The following GNA14 variants were observed in gnomAD, a reference collection of about 807,000 sequenced individuals.
The protein encoded by GNA14 is G protein subunit alpha 14, also known as guanine nucleotide-binding protein subunit alpha-14.
A neutral mutation model predicts 42.0 loss-of-function variants in GNA14; 50 were observed. The observed-to-expected ratio is 1.19, with a 90% CI of 0.95 to 1.51. The LOEUF (loss-of-function observed/expected upper bound fraction) is 1.51, where lower values mean the gene tolerates loss of function less well. GNA14 is among the 40% of genes most tolerant of loss of function. GNA14 has a pLI of 0.00. For synonymous variants in GNA14, 173 were observed against 163.1 expected (o/e 1.06, Z -0.46); for missense variants, 473 against 446.2 (o/e 1.06, Z -0.54).
chr9:77,512,914 G>A (rs1461310522), intron 2 of GNA14, among the ~76,000 whole-genome samples: 1 of 152,124 alleles, frequency 6.6e-6, no homozygotes. Flanking sequence ...TCTCTGGCTT[G>A]TTTACTTCTC....
chr9:77,492,750 C>A (rs1376394255), intron 2 of GNA14, among the ~76,000 whole-genome samples: 7 of 151,790 alleles, frequency 4.6e-5, no homozygotes, highest in Non-Finnish European at 1.5e-5. Context: ...GCCTGTAATC[C>A]CAGCACTTTG....
chr9:77,557,080 C>A (rs950697551), intron 1 of GNA14, among the ~76,000 whole-genome samples: 3 of 152,158 alleles, frequency 2.0e-5, no homozygotes, highest in African/African-American at 7.2e-5. Context: ...TTGAAGTGAA[C>A]TATGGCCAAA....
At chr9:77,563,517 G>A (rs1486366058) in intron 1 of GNA14, among the ~76,000 whole-genome samples, 1 of 152,110 alleles carries the variant, frequency 6.6e-6, no homozygotes, top group African/African-American at 2.4e-5. Flanking sequence ...AACCAATATT[G>A]ACCCTAGGTC....
intron 1 of GNA14, among the ~76,000 whole-genome samples, chr9:77,620,035 G>A (rs1335287663): frequency 2.0e-5 from 3 of 152,172 alleles, no homozygotes; most frequent in East Asian, 3.9e-4. Context: ...AAGTCAAACA[G>A]CAACTAGATA....
intron 1 of GNA14, among the ~76,000 whole-genome samples, chr9:77,637,318 C>A (rs1824197769): frequency 6.6e-6 from 1 of 151,964 alleles, no homozygotes; most frequent in Non-Finnish European, 1.5e-5. Context: ...TACCTTGACT[C>A]TCGTTATAAT....
Position 77,465,140 on chromosome 9 carries a change from G to A in GNA14, c.310-30618C>T, listed in dbSNP as rs554105946. ...TGTTGTTTTAAGCCACCTAATTTGT[G>A]GTACTGTGTGATAGCAGCCAGATAC... On this transcript the variant is annotated intron_variant, in intron 2 of 6. Coordinates refer to ENST00000341700, the MANE Select transcript of GNA14 (RefSeq NM_004297.4). Among the ~76,000 whole-genome samples, 44 of 152,274 alleles carry A rather than the reference G, an allele frequency of 2.9e-4. No individual in the cohort carries two copies. The South Asian group carries it at 9.1e-3, about 32-fold the overall frequency.
chr9:77,644,450 A>C (rs1042786139), intron 1 of GNA14, among the ~76,000 whole-genome samples: 7 of 148,816 alleles, frequency 4.7e-5, no homozygotes, highest in African/African-American at 1.7e-4. Context: ...AAAAAAAAAA[A>C]AAAAAAAAAA....
At chr9:77,601,972 G>C (rs1587844315) in intron 1 of GNA14, among the ~76,000 whole-genome samples, 2 of 152,326 alleles carry the variant, frequency 1.3e-5, no homozygotes, top group African/African-American at 4.8e-5. Flanking sequence ...CAGACAGACT[G>C]TGCTCAGTCC....
chr9:77,523,177 C>A (rs964691280), intron 2 of GNA14, among the ~76,000 whole-genome samples: 1 of 152,162 alleles, frequency 6.6e-6, no homozygotes, highest in Non-Finnish European at 1.5e-5. Context: ...TTTGTCCATT[C>A]TTGCATTGCT....
At chr9:77,548,810 C>T (rs1029574123) in intron 1 of GNA14, among the ~76,000 whole-genome samples, 33 of 152,220 alleles carry the variant, frequency 2.2e-4, no homozygotes, top group African/African-American at 8.0e-4. Context: ...AGCTTCTGCA[C>T]CCATGTGGCA....
At chr9:77,480,661 G>A (rs1242173416) in intron 2 of GNA14, among the ~76,000 whole-genome samples, 3 of 152,192 alleles carry the variant, frequency 2.0e-5, no homozygotes, top group Non-Finnish European at 2.9e-5. Context: ...GAATTCGGCT[G>A]TGAATCCATC....
At chr9:77,434,655 TC>T in intron 2 of GNA14, 133 bp from the exon 3 acceptor site, 4 of 700,990 alleles carry the variant, frequency 5.7e-6, no homozygotes, top group Non-Finnish European at 9.4e-6. Flanking sequence ...GTGGGCACCC[TC>T]CCAGGGGCCG....
At chr9:77,619,824 G>A (rs994914366) in intron 1 of GNA14, among the ~76,000 whole-genome samples, 65 of 152,046 alleles carry the variant, frequency 4.3e-4, no homozygotes, top group African/African-American at 1.5e-3. Context: ...AGTGACAAAT[G>A]TGTCAGTCCA....
intron 2 of GNA14, among the ~76,000 whole-genome samples, chr9:77,434,888 T>G (rs898024221): frequency 1.3e-5 from 2 of 152,070 alleles, no homozygotes; most frequent in Non-Finnish European, 2.9e-5. Context: ...TATGACTCAT[T>G]TGAGTATCTG....
chr9:77,458,349 G>A (rs1478225946), intron 2 of GNA14, among the ~76,000 whole-genome samples: 3 of 152,198 alleles, frequency 2.0e-5, no homozygotes, highest in Non-Finnish European at 2.9e-5. Context: ...GAATGTGGAA[G>A]CAGTGGATGT....
At chr9:77,610,957 G>C (rs999137596) in intron 1 of GNA14, among the ~76,000 whole-genome samples, 5 of 152,124 alleles carry the variant, frequency 3.3e-5, no homozygotes, top group African/African-American at 9.7e-5. Flanking sequence ...AGATGATTTT[G>C]TCCTTGCCAA....
intron 1 of GNA14, among the ~76,000 whole-genome samples, chr9:77,587,482 G>A (rs914311514): frequency 2.0e-5 from 3 of 152,190 alleles, no homozygotes; most frequent in African/African-American, 7.2e-5. Flanking sequence ...AAAGGAATGA[G>A]GTACTGGCAC....
intron 1 of GNA14, among the ~76,000 whole-genome samples, chr9:77,572,283 GGAA>G (rs1052526882): frequency 2.0e-4 from 31 of 152,152 alleles, no homozygotes; most frequent in African/African-American, 7.0e-4. Context: ...TAACACGTAG[GGAA>G]GAAGAATTAT....
At chr9:77,556,185 A>C (rs930948285) in intron 1 of GNA14, among the ~76,000 whole-genome samples, 1 of 152,236 alleles carries the variant, frequency 6.6e-6, no homozygotes, top group Non-Finnish European at 1.5e-5. Context: ...CGGAGGTTGC[A>C]GTGAGCCAAG....
Sources: gnomAD v4.1 joint callset for allele counts (sites outside exome capture counted in the v4.1 genomes callset) on GRCh38, gnomAD v4.1.1 for gene constraint, MANE v1.5 for transcripts, NCBI Gene and HGNC (gene_info 2026-07-23, HGNC 2026-07-21) for gene names.